The following FRAS1 variants were observed in gnomAD, a reference collection of about 807,000 sequenced individuals.
FRAS1 encodes the protein Fraser extracellular matrix complex subunit 1.
FRAS1 carries 290 observed loss-of-function variants against 435.2 expected under a neutral mutation model. That is an observed-to-expected ratio of 0.67 (90% CI 0.61 to 0.73). The LOEUF (loss-of-function observed/expected upper bound fraction) is 0.73, where lower values mean the gene tolerates loss of function less well. Among genes scored for constraint, FRAS1 ranks in the 30% least tolerant of loss-of-function variants. The probability of loss-of-function intolerance (pLI) is 0.00; values close to 1 mark genes in which losing one functional copy is unlikely to be tolerated. For synonymous variants in FRAS1, 1,800 were observed against 1,851.0 expected (o/e 0.97, Z 0.71); for missense variants, 4,860 against 5,001.5 (o/e 0.97, Z 0.85).
In FRAS1 at chr4:78,281,395, T is replaced by C; in HGVS notation, c.1072-3T>C. ...TAATAAAGACATTTCTCTTTGTTCC[T>C]AGATGTCATCAAATGCTAGTGAAGT... On this transcript the variant is annotated splice_region_variant and splice_polypyrimidine_tract_variant and intron_variant, in intron 10 of 73. Transcript: ENST00000512123. The C allele has an allele frequency of 6.4e-7, 1 of 1,571,398 alleles. No individual in the cohort carries two copies. The highest frequency in any genetic ancestry group is 1.2e-5 in the South Asian group (1 of 83,074).
chr4:78,479,539 T>C lies in FRAS1; in HGVS notation c.8264T>C (p.Val2755Ala). The change falls in exon 56 of 74, where the codon GTC becomes GCC. Residue 2755 changes from valine to alanine, a missense_variant. By Grantham distance (64) the Val-to-Ala change is moderately conservative. Transcript: ENST00000512123. ...GPGVTMSTCD[V>A]MLIDDSEYEE... ...GGTGTGACCATGTCCACCTGTGATG[T>C]CATGCTTATTGATGACAGCGAGTAT... 1 of 1,613,968 alleles carries C rather than the reference T, an allele frequency of 6.2e-7. No homozygotes were observed. The highest frequency in any genetic ancestry group is 1.1e-5 in the South Asian group (1 of 91,076).
Position 78,243,331 on chromosome 4 carries a change from G to A in FRAS1, c.217-1902G>A, listed in dbSNP as rs149526288. Among the ~76,000 whole-genome samples the A allele has an allele frequency of 1.3e-4, 20 of 152,190 alleles. No individual in the cohort carries two copies. The East Asian group carries it at 3.9e-3, about 29-fold the overall frequency. The stretch of plus-strand genomic sequence containing the variant: ...CTATAATGATCAAATTATCATTATT[G>A]TTGGTGGTTCTCCTAGGTCCTAAGC... On this transcript the variant is annotated intron_variant, in intron 3 of 73. Transcript: ENST00000512123.
chr4:78,100,415 C>A (rs1457483381), intron 2 of FRAS1, among the ~76,000 whole-genome samples: 1 of 152,232 alleles, frequency 6.6e-6, no homozygotes, highest in Non-Finnish European at 1.5e-5. Context: ...ACTATTTTTC[C>A]ACTTTCTGAG....
chr4:78,524,566 G>T (rs1489072995), intron 69 of FRAS1, among the ~76,000 whole-genome samples: 1 of 152,182 alleles, frequency 6.6e-6, no homozygotes. Flanking sequence ...TGTTTGAAGG[G>T]ATCATGAGGA....
chr4:78,446,843 T>C lies in FRAS1; in HGVS notation c.5973T>C (p.Asn1991=). 5.6e-6 allele frequency: 9 copies of C among 1,611,838 alleles called. No homozygotes were observed. Among genetic ancestry groups the C allele is most frequent in the African/African-American group, 1.3e-5 (1 of 74,976 alleles). ...TGCAAGACCTGGACACCCCAGATAA[T>C]GAGCTCATTTTTGTATTGACAAAAA... ...LSLQDLDTPD[N]ELIFVLTKKP... Residue 1991 remains asparagine, a synonymous_variant, in exon 43 of 74, where the codon AAT becomes AAC. Coordinates refer to ENST00000512123, the MANE Select transcript of FRAS1 (RefSeq NM_025074.7).
intron 2 of FRAS1, among the ~76,000 whole-genome samples, chr4:78,205,742 G>C (rs187163248): frequency 1.6e-3 from 247 of 152,280 alleles, no homozygotes; most frequent in African/African-American, 5.7e-3. Context: ...AGCAGGAAGA[G>C]GGGAGGGGAG....
chr4:78,333,681 G>C (rs1359624914), intron 19 of FRAS1, among the ~76,000 whole-genome samples: 1 of 152,180 alleles, frequency 6.6e-6, no homozygotes, highest in Non-Finnish European at 1.5e-5. Context: ...GTTTTCTCTT[G>C]CCTGGAAGAC....
intron 2 of FRAS1, among the ~76,000 whole-genome samples, chr4:78,076,415 C>A (rs1740642292): frequency 6.6e-6 from 1 of 152,094 alleles, no homozygotes; most frequent in Admixed American, 6.6e-5. Context: ...GCACTTCTCA[C>A]AATTTGCCAA....
intron 16 of FRAS1, 37 bp from the exon 17 acceptor site, chr4:78,317,331 T>C (rs1266348844): frequency 6.2e-7 from 1 of 1,613,082 alleles, no homozygotes; most frequent in Non-Finnish European, 8.5e-7. Flanking sequence ...TATTCACCCA[T>C]GTCCCATGGC....
In FRAS1 at chr4:78,252,537, G is replaced by T. The variant is rs368026746; in HGVS notation, c.455G>T (p.Cys152Phe). ...FIPEGSCCPV[C>F]VGLGKPCSYE... ...CCTGAAGGAAGCTGCTGCCCAGTTT[G>T]TGTGGGCCTTGGGAGTGAGTATGAG... Residue 152 changes from cysteine to phenylalanine, a missense_variant, in exon 5 of 74, where the codon TGT becomes TTT. Transcript: ENST00000512123. 6 of 1,613,558 alleles carry T rather than the reference G, an allele frequency of 3.7e-6. No homozygotes were observed. The highest frequency in any genetic ancestry group is 3.4e-6 in the Non-Finnish European group (4 of 1,179,698).
intron 2 of FRAS1, among the ~76,000 whole-genome samples, chr4:78,213,782 C>A (rs189003841): frequency 6.6e-6 from 1 of 152,182 alleles, no homozygotes; most frequent in African/African-American, 2.4e-5. Context: ...ACTAACTGAG[C>A]GCTCTTCTTG....
At chr4:78,149,541 C>T (rs1049466415) in intron 2 of FRAS1, among the ~76,000 whole-genome samples, 1 of 152,128 alleles carries the variant, frequency 6.6e-6, no homozygotes, top group African/African-American at 2.4e-5. Flanking sequence ...TATATGTATA[C>T]ATGCATATAT....
intron 5 of FRAS1, among the ~76,000 whole-genome samples, chr4:78,253,203 C>A (rs886946081): frequency 2.0e-5 from 3 of 152,178 alleles, no homozygotes; most frequent in African/African-American, 7.2e-5. Flanking sequence ...TATAGGCTGT[C>A]TGCAAGAAGA....
intron 40 of FRAS1, among the ~76,000 whole-genome samples, chr4:78,440,191 C>T (rs560133077): frequency 1.4e-4 from 21 of 151,286 alleles, no homozygotes; most frequent in Admixed American, 1.2e-3. Flanking sequence ...CCACCGCGCC[C>T]GGCTAATTTT....
rs1320353921 is a variant in FRAS1 at position 78,405,428 on chromosome 4, A to G, written c.4130-2235A>G. Among the ~76,000 whole-genome samples, 2 of 152,172 alleles carry G rather than the reference A, an allele frequency of 1.3e-5. 1 individual carries two copies. The highest frequency in any genetic ancestry group is 3.9e-4 in the East Asian group (2 of 5,184). On this transcript the variant is annotated intron_variant, in intron 30 of 73. Transcript: ENST00000512123. ...GGAATTTTTTTCTACTTGAGTACAA[A>G]TAAGTTATAATACAAGAAAGAAAAC...
chr4:78,469,987 G>A lies in FRAS1; in HGVS notation c.7267G>A (p.Ala2423Thr). 6.2e-7 allele frequency: 1 copy of A among 1,612,984 alleles called. No homozygotes were observed. Among genetic ancestry groups the A allele is most frequent in the Non-Finnish European group, 8.5e-7 (1 of 1,179,248 alleles). ...IEEGGKEIMT[A>T]APQPFRVDIL... ...CTGCCCTCCCCTTCAGATTATGACA[G>A]CAGCACCTCAGCCGTTCCGAGTAGA... The change falls in exon 51 of 74, where the codon GCA becomes ACA. Residue 2423 changes from alanine to threonine, a missense_variant. Transcript: ENST00000512123.
At chr4:78,518,422 G>T (rs371574968) in intron 66 of FRAS1, among the ~76,000 whole-genome samples, 1 of 135,746 alleles carries the variant, frequency 7.4e-6, no homozygotes. Flanking sequence ...TTTTTGTTGT[G>T]TATATATATA....
At chr4:78,388,302 G>GA (rs1732303374) in intron 29 of FRAS1, among the ~76,000 whole-genome samples, 2 of 148,662 alleles carry the variant, frequency 1.3e-5, no homozygotes, top group South Asian at 2.1e-4. Flanking sequence ...TCCAGCCTGG[G>GA]TGACAGAGAG....
intron 37 of FRAS1, among the ~76,000 whole-genome samples, chr4:78,431,117 C>T (rs775549162): frequency 6.6e-5 from 10 of 152,150 alleles, no homozygotes; most frequent in Non-Finnish European, 1.2e-4. Context: ...TTCTCAAAAC[C>T]TTTGTATGAT....
Sources: allele counts gnomAD v4.1 joint callset (sites outside exome capture counted in the v4.1 genomes callset), GRCh38; gene constraint gnomAD v4.1.1; transcripts MANE v1.5; gene names NCBI Gene and HGNC (gene_info 2026-07-23, HGNC 2026-07-21).